TRIQK: variants seen among roughly 807,000 people sequenced by gnomAD.
TRIQK encodes the protein triple QxxK/R motif containing.
In TRIQK, 10 loss-of-function variants were observed where a neutral mutation model predicts 10.8. The observed-to-expected ratio is 0.92, with a 90% CI of 0.57 to 1.57. TRIQK has a LOEUF of 1.57. Among genes scored for constraint, TRIQK ranks in the 40% most tolerant of loss-of-function variants. TRIQK has a pLI of 0.00. For missense variants in TRIQK, 107 were observed against 97.7 expected, an observed-to-expected ratio of 1.09 and a Z score of -0.40; for synonymous variants, 33 against 33.7, an observed-to-expected ratio of 0.98 and a Z score of 0.07.
chr8:92,940,086 C>T (rs1488357594), intron 2 of TRIQK, among the ~76,000 whole-genome samples: 1 of 152,150 alleles, frequency 6.6e-6, no homozygotes, highest in African/African-American at 2.4e-5. Flanking sequence ...CATTATCTGA[C>T]ATCACAGCGA....
intron 3 of TRIQK, among the ~76,000 whole-genome samples, chr8:92,911,842 T>A (rs1691073989): frequency 6.7e-6 from 1 of 149,906 alleles, no homozygotes; most frequent in Admixed American, 6.7e-5. Flanking sequence ...TATACATATC[T>A]ACATACACAA....
chr8:92,953,487 G>A (rs939748768), intron 2 of TRIQK: 9 of 151,970 alleles, frequency 5.9e-5, no homozygotes, highest in African/African-American at 1.9e-4. Context: ...GCTTTGGATG[G>A]TCATCAGGTA....
chr8:92,916,864 T>C, intron 3 of TRIQK, 65 bp downstream of exon 3: 1 of 1,149,894 alleles, frequency 8.7e-7, no homozygotes, highest in Non-Finnish European at 1.2e-6. Flanking sequence ...TTTATTTTCT[T>C]AATATGCATA....
Position 92,953,519 on chromosome 8 carries a change from A to T in TRIQK, c.-22+887T>A, listed in dbSNP as rs1036721648. On this transcript the variant is annotated intron_variant, in intron 2 of 4. Transcript: ENST00000521988. ...GGTAAGACTCCATTTAGAAGGTGAA[A>T]TTTTAATAACGACCAAAAGAAAAGT... 2.6e-5 allele frequency: 4 copies of T among 152,042 alleles called. No individual in the cohort carries two copies. The East Asian group carries it at 7.7e-4, about 29-fold the overall frequency. The allele number at this position is 152,042 out of a possible 1,614,324, so 9.4% of individuals were successfully genotyped here.
intron 1 of TRIQK, among the ~76,000 whole-genome samples, chr8:92,987,433 T>C (rs895726723): frequency 6.6e-6 from 1 of 152,256 alleles, no homozygotes; most frequent in Non-Finnish European, 1.5e-5. Flanking sequence ...AGTTATTTAA[T>C]GTATAGGCTT....
At chr8:92,888,409 A>C (rs1222622511) in intron 4 of TRIQK, among the ~76,000 whole-genome samples, 1 of 151,654 alleles carries the variant, frequency 6.6e-6, no homozygotes, top group Non-Finnish European at 1.5e-5. Flanking sequence ...TATTCATAGA[A>C]CATAACTTCA....
At chr8:92,948,264 T>C (rs2130646533) in intron 2 of TRIQK, among the ~76,000 whole-genome samples, 1 of 152,338 alleles carries the variant, frequency 6.6e-6, no homozygotes, top group Middle Eastern at 3.4e-3. Context: ...AAAACAAAGT[T>C]GCTCTACAAA....
At chr8:92,929,982 CTCTT>C (rs1396025336) in intron 2 of TRIQK, among the ~76,000 whole-genome samples, 38 of 151,916 alleles carry the variant, frequency 2.5e-4, no homozygotes, top group African/African-American at 8.5e-4. Flanking sequence ...ATGAAAACTG[CTCTT>C]TCTAAAAGTT....
chr8:92,984,618 T>C (rs896009896), intron 1 of TRIQK, among the ~76,000 whole-genome samples: 3 of 152,182 alleles, frequency 2.0e-5, no homozygotes, highest in Admixed American at 2.0e-4. Context: ...TTTCGAAACA[T>C]ATTTCCTTTG....
At chr8:92,923,672 A>C (rs937938601) in intron 2 of TRIQK, among the ~76,000 whole-genome samples, 1 of 151,928 alleles carries the variant, frequency 6.6e-6, no homozygotes, top group African/African-American at 2.4e-5. Flanking sequence ...AAAATAATTC[A>C]GTTAATTTTT....
chr8:92,951,618 G>A (rs549004914), intron 2 of TRIQK, among the ~76,000 whole-genome samples: 72 of 152,250 alleles, frequency 4.7e-4, no homozygotes, highest in African/African-American at 1.6e-3. Context: ...ACCCCCAGGA[G>A]CTCGACTAGC....
At chr8:92,960,956 T>A (rs965579031) in intron 1 of TRIQK, among the ~76,000 whole-genome samples, 1 of 152,236 alleles carries the variant, frequency 6.6e-6, no homozygotes. Context: ...TTTCTCTTAC[T>A]ATCTTCTCTC....
In TRIQK at chr8:93,009,999, A is replaced by G. The variant is rs184625141; in HGVS notation, c.-181+7610T>C. ...GGATGAAGCTAAAGGACATTATGAT[A>G]GTAAAATTAGCCAGACATAGAAAGA... On this transcript the variant is annotated intron_variant, in intron 1 of 4. Coordinates refer to the TRIQK transcript ENST00000520686. 1.4e-4 allele frequency among the ~76,000 whole-genome samples: 22 copies of G among 152,328 alleles called. No individual in the cohort carries two copies. The East Asian group carries it at 3.3e-3, about 23-fold the overall frequency.
At chr8:93,012,458 C>G (rs1371208138) in intron 1 of TRIQK, among the ~76,000 whole-genome samples, 1 of 152,138 alleles carries the variant, frequency 6.6e-6, no homozygotes, top group Non-Finnish European at 1.5e-5. Flanking sequence ...GAAAAGCCAA[C>G]TCTTCATTGT....
At chr8:92,987,837 A>C (rs1038217194) in intron 1 of TRIQK, among the ~76,000 whole-genome samples, 5 of 152,062 alleles carry the variant, frequency 3.3e-5, no homozygotes, top group African/African-American at 1.2e-4. Context: ...TCAAGCTAAT[A>C]AACAGAATAT....
intron 1 of TRIQK, among the ~76,000 whole-genome samples, chr8:92,985,265 T>C (rs1813020978): frequency 6.6e-6 from 1 of 152,046 alleles, no homozygotes; most frequent in Non-Finnish European, 1.5e-5. Context: ...CACATGCACA[T>C]GCACAAAACA....
At chr8:92,999,913 T>C (rs1392653794) in intron 1 of TRIQK, among the ~76,000 whole-genome samples, 1 of 152,186 alleles carries the variant, frequency 6.6e-6, no homozygotes. Context: ...AAAAACCTGC[T>C]TACTTTCATT....
chr8:92,946,497 A>C (rs1318564918), intron 2 of TRIQK, among the ~76,000 whole-genome samples: 1 of 152,168 alleles, frequency 6.6e-6, no homozygotes, highest in Non-Finnish European at 1.5e-5. Context: ...GGCATTTAAA[A>C]ATGAATGTAA....
At chr8:92,899,255 G>C (rs1046927356) in intron 3 of TRIQK, among the ~76,000 whole-genome samples, 1 of 151,700 alleles carries the variant, frequency 6.6e-6, no homozygotes, top group Non-Finnish European at 1.5e-5. Flanking sequence ...TCACACCTGG[G>C]ATTACAGGCA....
Sources: gnomAD v4.1 joint callset for allele counts (sites outside exome capture counted in the v4.1 genomes callset) on GRCh38, gnomAD v4.1.1 for gene constraint, MANE v1.5 for transcripts, NCBI Gene and HGNC (gene_info 2026-07-23, HGNC 2026-07-21) for gene names.